CADM2: variants seen among roughly 807,000 people sequenced by gnomAD.
CADM2 encodes the protein immunoglobulin superfamily member 4D.
CADM2 carries 12 observed loss-of-function variants against 49.8 expected under a neutral mutation model. That is an observed-to-expected ratio of 0.24 (90% confidence interval 0.15 to 0.39). The LOEUF (loss-of-function observed/expected upper bound fraction) is 0.39. Ranked by LOEUF, CADM2 falls within the 10% of genes least tolerant of loss-of-function variation. The pLI is 1.00. For missense variants in CADM2, 378 were observed against 492.3 expected, an observed-to-expected ratio of 0.77 and a Z score of 2.20; for synonymous variants, 214 against 175.4, an observed-to-expected ratio of 1.22 and a Z score of -1.74.
chr3:85,070,575 C>CTA (rs1456731783), intron 1 of CADM2, among the ~76,000 whole-genome samples: 2 of 97,266 alleles, frequency 2.1e-5, no homozygotes, highest in Non-Finnish European at 5.1e-5. Flanking sequence ...TCTTTTGTCA[C>CTA]TATATCCTAA....
At chr3:86,018,484 A>C (rs1387531719) in intron 8 of CADM2, among the ~76,000 whole-genome samples, 2 of 152,038 alleles carry the variant, frequency 1.3e-5, no homozygotes, top group Admixed American at 6.6e-5. Flanking sequence ...ACTAGTTTAC[A>C]GTCCCACCAA....
intron 1 of CADM2, among the ~76,000 whole-genome samples, chr3:85,400,826 C>G (rs1232411746): frequency 6.6e-6 from 1 of 152,150 alleles, no homozygotes; most frequent in Non-Finnish European, 1.5e-5. Flanking sequence ...ATGCTGATCT[C>G]ACTTTCCAGG....
rs7630752 is a variant in CADM2, at chr3:86,068,519, T to G, written c.*1736T>G. On this transcript the variant is annotated 3_prime_UTR_variant, in exon 10 of 10. Coordinates refer to ENST00000383699, the MANE Select transcript of CADM2 (RefSeq NM_001167675.2). ...TAGTATTGTGGAATATATTTTTGGGTAATAAGAATGGTTGAGTGCAACATC... is the reference window on the plus strand; with the variant it reads ...TAGTATTGTGGAATATATTTTTGGGGAATAAGAATGGTTGAGTGCAACATC... 0.7 allele frequency: 106,170 copies of G among 151,768 alleles called. 38,796 individuals are homozygous for G. The highest frequency in any genetic ancestry group is 0.92 in the African/African-American group (38,204 of 41,530). 9.4% of individuals were successfully genotyped at this position (151,768 alleles called of 1,614,324 possible). A position where few individuals can be genotyped will look rare whatever the true frequency, so the allele number is the denominator to read the frequency against.
intron 2 of CADM2, among the ~76,000 whole-genome samples, chr3:85,749,618 G>A (rs903717348): frequency 6.6e-6 from 1 of 151,958 alleles, no homozygotes; most frequent in African/African-American, 2.4e-5. Context: ...AATCTCTACA[G>A]CAAACTATAG....
At chr3:85,623,049 CCACTGATAAGAAT>C (rs1173563072) in intron 1 of CADM2, among the ~76,000 whole-genome samples, 4 of 151,922 alleles carry the variant, frequency 2.6e-5, no homozygotes, top group Admixed American at 6.6e-5. Flanking sequence ...AAGCTTAAGC[CCACTGATAAGAAT>C]CAGTGGGCCA....
intron 8 of CADM2, among the ~76,000 whole-genome samples, chr3:86,035,588 C>T (rs1358914707): frequency 1.3e-5 from 2 of 152,088 alleles, no homozygotes; most frequent in Non-Finnish European, 2.9e-5. Flanking sequence ...GGCTCAGGAT[C>T]TCTGCTTCTG....
intron 1 of CADM2, among the ~76,000 whole-genome samples, chr3:85,025,539 T>C (rs2034686317): frequency 6.6e-6 from 1 of 152,202 alleles, no homozygotes; most frequent in African/African-American, 2.4e-5. Flanking sequence ...TTGGGCTTGC[T>C]AGCGTTTGCC....
At chr3:85,360,616 G>A (rs73134719) in intron 1 of CADM2, among the ~76,000 whole-genome samples, 215 of 152,252 alleles carry the variant, frequency 1.4e-3, no homozygotes, top group Non-Finnish European at 2.3e-3. Flanking sequence ...TTAGAGTAAG[G>A]TAAATCTGTT....
At position 85,180,923 on chromosome 3, in the gene CADM2, G is replaced by C. The variant is rs181227722; in HGVS notation, c.61+221255G>C. 6.3e-3 allele frequency among the ~76,000 whole-genome samples: 964 copies of C among 152,168 alleles called. 6 individuals carry two copies. Among genetic ancestry groups the C allele is most frequent in the Admixed American group, 0.013 (192 of 15,286 alleles). ...GGAATTAATGCTACTAATGCTTCCA[G>C]GTATAAGTGATTAGTCCCTAAAGGA... On this transcript the variant is annotated intron_variant, in intron 1 of 9. Transcript: ENST00000383699.
intron 1 of CADM2, among the ~76,000 whole-genome samples, chr3:85,641,175 C>T (rs536076233): frequency 5.0e-4 from 76 of 152,140 alleles, no homozygotes; most frequent in African/African-American, 1.7e-3. Context: ...ACATTGAGTT[C>T]TGTTGGTTCT....
At chr3:85,684,992 G>T (rs934035906) in intron 1 of CADM2, among the ~76,000 whole-genome samples, 1 of 152,124 alleles carries the variant, frequency 6.6e-6, no homozygotes, top group African/African-American at 2.4e-5. Context: ...GGCCGGGCGC[G>T]GTAGCTCTCG....
intron 1 of CADM2, among the ~76,000 whole-genome samples, chr3:85,573,690 A>G (rs1559919616): frequency 6.6e-6 from 1 of 152,178 alleles, no homozygotes; most frequent in Non-Finnish European, 1.5e-5. Flanking sequence ...TGTTTGTGCA[A>G]TGTCCATCTC....
intron 1 of CADM2, among the ~76,000 whole-genome samples, chr3:85,599,414 TAGCCATCGAGCACAAGGTCACAC>T (rs2063334400): frequency 6.6e-6 from 1 of 151,972 alleles, no homozygotes; most frequent in African/African-American, 2.4e-5. Context: ...CACATAGTGT[TAGCCATCGAGCACAAGGTCACAC>T]AGCTGGTAGC....
At chr3:85,653,612 T>A (rs562117009) in intron 1 of CADM2, among the ~76,000 whole-genome samples, 90 of 152,204 alleles carry the variant, frequency 5.9e-4, no homozygotes, top group Admixed American at 1.9e-3. Context: ...TGATATTTTT[T>A]AAATATCCAA....
chr3:85,943,475 C>A lies in CADM2; in HGVS notation c.791+7618C>A, dbSNP rs535294924. On this transcript the variant is annotated intron_variant, in intron 7 of 9. Coordinates refer to ENST00000383699, the MANE Select transcript of CADM2 (RefSeq NM_001167675.2). ...AGGGTTTTTATGGTTTTAGGTCTAA[C>A]GTTTAAGTCTTTAATCCATCTTGAA... Among the ~76,000 whole-genome samples the A allele has an allele frequency of 2.8e-4, 42 of 149,440 alleles. No individual in the cohort carries two copies. The East Asian group carries it at 7.9e-3, about 28-fold the overall frequency.
intron 1 of CADM2, among the ~76,000 whole-genome samples, chr3:85,100,860 T>A (rs1375604878): frequency 1.3e-5 from 2 of 152,196 alleles, no homozygotes; most frequent in Non-Finnish European, 2.9e-5. Flanking sequence ...CAGTGTAAAG[T>A]GGTTTTTAAA....
intron 1 of CADM2, among the ~76,000 whole-genome samples, chr3:85,307,780 C>A (rs2044248452): frequency 6.6e-6 from 1 of 151,514 alleles, no homozygotes; most frequent in South Asian, 2.1e-4. Context: ...TCAAAAAATG[C>A]TGATTATTGA....
chr3:85,766,879 A>G (rs1440357455), intron 2 of CADM2, among the ~76,000 whole-genome samples: 1 of 152,106 alleles, frequency 6.6e-6, no homozygotes, highest in African/African-American at 2.4e-5. Flanking sequence ...GTTCTTAATC[A>G]TGTGCTGAAA....
intron 1 of CADM2, among the ~76,000 whole-genome samples, chr3:85,233,829 G>A (rs2042353850): frequency 6.6e-6 from 1 of 151,996 alleles, no homozygotes; most frequent in African/African-American, 2.4e-5. Flanking sequence ...GAGTATATGA[G>A]TAGTCTTTAG....
Sources: gnomAD v4.1 joint callset for allele counts (sites outside exome capture counted in the v4.1 genomes callset) on GRCh38, gnomAD v4.1.1 for gene constraint, MANE v1.5 for transcripts, NCBI Gene and HGNC (gene_info 2026-07-23, HGNC 2026-07-21) for gene names.